The following ATP6V0E1 variants were observed in gnomAD, a reference collection of about 807,000 sequenced individuals.
ATP6V0E1 encodes the protein ATPase H+ transporting V0 subunit e1.
ATP6V0E1 carries 4 observed loss-of-function variants against 11.6 expected under a neutral mutation model. The ratio of observed to expected loss-of-function variants is 0.35; its 90% CI spans 0.17 to 0.79. The LOEUF (loss-of-function observed/expected upper bound fraction) is 0.79. ATP6V0E1 is among the 30% of genes least tolerant of loss of function. The pLI is 0.54. For missense variants in ATP6V0E1, 105 were observed against 100.0 expected (o/e 1.05, Z -0.21); for synonymous variants, 36 against 34.8 (o/e 1.04, Z -0.13).
chr5:173,020,801 T>C (rs775775261), intron 3 of ATP6V0E1: 1 of 519,678 alleles, frequency 1.9e-6, no homozygotes, highest in Non-Finnish European at 3.8e-6. Context: ...GAATGTCTTG[T>C]CTTCATCCGG....
At chr5:173,005,964 T>C (rs921491400) in intron 2 of ATP6V0E1, among the ~76,000 whole-genome samples, 2 of 152,244 alleles carry the variant, frequency 1.3e-5, no homozygotes, top group African/African-American at 2.4e-5. Flanking sequence ...TCAGAAGATA[T>C]ACTCTCTAAG....
At chr5:172,997,693 G>A (rs891690820) in intron 2 of ATP6V0E1, among the ~76,000 whole-genome samples, 3 of 152,042 alleles carry the variant, frequency 2.0e-5, no homozygotes, top group Non-Finnish European at 4.4e-5. Flanking sequence ...GGTGCCTGTA[G>A]TCCCAGCTAC....
chr5:172,994,877 A>T (rs1234059617), intron 2 of ATP6V0E1, 55 bp downstream of exon 2: 16 of 1,405,550 alleles, frequency 1.1e-5, no homozygotes, highest in Non-Finnish European at 1.5e-5. Context: ...TGTGCGATTT[A>T]CACATTTGTT....
intron 3 of ATP6V0E1, among the ~76,000 whole-genome samples, chr5:173,024,840 TTTTTTC>T (rs1360110012): frequency 6.8e-6 from 1 of 146,610 alleles, no homozygotes; most frequent in Non-Finnish European, 1.5e-5. Flanking sequence ...TATTTTTTTC[TTTTTTC>T]TTTTTTTTTT....
intron 2 of ATP6V0E1, among the ~76,000 whole-genome samples, chr5:173,017,643 C>T (rs970313897): frequency 1.3e-5 from 2 of 151,766 alleles, no homozygotes; most frequent in Non-Finnish European, 2.9e-5. Context: ...GAGTTCGACA[C>T]CAGCCTGGCC....
At chr5:173,008,910 CAA>C (rs1164495740) in intron 2 of ATP6V0E1, among the ~76,000 whole-genome samples, 1,087 of 41,344 alleles carry the variant, frequency 0.026, 10 homozygotes, top group African/African-American at 0.063. Flanking sequence ...GACTCTGTCT[CAA>C]AAAAAAAAAA....
chr5:173,011,774 C>T lies in ATP6V0E1; in HGVS notation c.153-8464C>T, dbSNP rs113218282. On this transcript the variant is annotated intron_variant, in intron 2 of 3. Transcript: ENST00000519374. The stretch of plus-strand genomic sequence containing the variant: ...GGTTATGAAGACATGCGGTACAGTT[C>T]GGGCAAACATGAAAGGTACATTTAG... Among the ~76,000 whole-genome samples the T allele has an allele frequency of 8.7e-3, 1,321 of 152,198 alleles. 19 individuals are homozygous for T. The highest frequency in any genetic ancestry group is 0.03 in the African/African-American group (1,260 of 41,532).
intron 2 of ATP6V0E1, among the ~76,000 whole-genome samples, chr5:173,009,269 G>T (rs180732492): frequency 3.3e-5 from 5 of 151,722 alleles, no homozygotes; most frequent in Admixed American, 2.6e-4. Flanking sequence ...AAAAGAACTC[G>T]CCTGAAGCCA....
intron 1 of ATP6V0E1, among the ~76,000 whole-genome samples, chr5:172,986,271 C>T (rs1755895809): frequency 6.6e-6 from 1 of 152,270 alleles, no homozygotes; most frequent in East Asian, 1.9e-4. Context: ...ACCTTAGCTT[C>T]CTGTAACTTT....
chr5:173,029,787 C>T (rs1010986893), intron 3 of ATP6V0E1, among the ~76,000 whole-genome samples: 9 of 152,086 alleles, frequency 5.9e-5, no homozygotes, highest in African/African-American at 2.2e-4. Context: ...GGGTCACCAG[C>T]GGTCCCATGA....
chr5:173,001,452 C>G (rs1756151932), intron 2 of ATP6V0E1, among the ~76,000 whole-genome samples: 1 of 152,176 alleles, frequency 6.6e-6, no homozygotes, highest in Non-Finnish European at 1.5e-5. Context: ...CCCACAGAAA[C>G]TCCACCTCAC....
At chr5:172,998,867 G>A (rs527426299) in intron 2 of ATP6V0E1, among the ~76,000 whole-genome samples, 1 of 152,126 alleles carries the variant, frequency 6.6e-6, no homozygotes, top group Non-Finnish European at 1.5e-5. Context: ...GGGGCCGGGC[G>A]TGTTGGCTTA....
chr5:172,984,968 C>T (rs533563238), intron 1 of ATP6V0E1, among the ~76,000 whole-genome samples: 374 of 152,252 alleles, frequency 2.5e-3, no homozygotes, highest in Non-Finnish European at 4.3e-3. Flanking sequence ...GATTTTTGGC[C>T]AGGTGCCGTG....
rs539691354 is a variant in ATP6V0E1, at chr5:173,017,694, A to C, written c.153-2544A>C. Among the ~76,000 whole-genome samples the C allele has an allele frequency of 3.3e-5, 5 of 152,110 alleles. No homozygotes were observed. The South Asian group carries it at 1.0e-3, about 32-fold the overall frequency. ...CTTCTCTACTAAAAATACAAAAATT[A>C]GCTGGGGATGGTGGCGCGTGCCTGT... On this transcript the variant is annotated intron_variant, in intron 2 of 3. Coordinates refer to ENST00000519374, the MANE Select transcript of ATP6V0E1 (RefSeq NM_003945.4).
intron 2 of ATP6V0E1, among the ~76,000 whole-genome samples, chr5:173,018,915 G>A (rs747398866): frequency 6.6e-6 from 1 of 151,972 alleles, no homozygotes; most frequent in Admixed American, 6.6e-5. Context: ...ACAGAACTTT[G>A]TGAGCTATAT....
chr5:173,022,151 T>C lies in ATP6V0E1; in HGVS notation c.*36+1784T>C, dbSNP rs987931316. Among the ~76,000 whole-genome samples the C allele has an allele frequency of 5.1e-4, 78 of 152,244 alleles. 2 individuals are homozygous for C. The highest frequency in any genetic ancestry group is 1.8e-3 in the African/African-American group (76 of 41,478). On this transcript the variant is annotated intron_variant, in intron 3 of 3. Coordinates refer to ENST00000519374, the MANE Select transcript of ATP6V0E1 (RefSeq NM_003945.4). The stretch of plus-strand genomic sequence containing the variant: ...TGGCCGAGAGTCAGGAAACCTCTTA[T>C]TTAATCTGTTCGTTGTTTTCATTAT...
At chr5:173,013,856 T>A (rs1363863140) in intron 2 of ATP6V0E1, among the ~76,000 whole-genome samples, 1 of 151,974 alleles carries the variant, frequency 6.6e-6, no homozygotes, top group East Asian at 1.9e-4. Context: ...TGGCTATTAC[T>A]AAAAAGCGAA....
At chr5:173,007,466 G>A (rs547765558) in intron 2 of ATP6V0E1, among the ~76,000 whole-genome samples, 57 of 152,338 alleles carry the variant, frequency 3.7e-4, no homozygotes, top group East Asian at 9.6e-4. Context: ...GCCGGGAAAA[G>A]AGAATCTCCT....
rs768987870 is a variant in ATP6V0E1, at chr5:173,020,263, C to T, written c.178C>T (p.Leu60Phe). ...TTGGCTGATTGCAATTCTGGCCCAACTCAACCCTCTCTTTGGACCGCAATT... is the reference window on the plus strand; with the variant it reads ...TTGGCTGATTGCAATTCTGGCCCAATTCAACCCTCTCTTTGGACCGCAATT... ...LFWLIAILAQ[L>F]NPLFGPQLKN... The change falls in exon 3 of 4, where the codon CTC (leucine) becomes TTC (phenylalanine). Residue 60 changes from leucine (L) to phenylalanine (F), a missense_variant. Leu to Phe is a conservative substitution (Grantham distance 22). Transcript: ENST00000519374. 1.2e-6 allele frequency: 2 copies of T among 1,613,900 alleles called. No individual in the cohort carries two copies. The highest frequency in any genetic ancestry group is 8.5e-7 in the Non-Finnish European group (1 of 1,179,822).
Sources: gnomAD v4.1 joint callset for allele counts (sites outside exome capture counted in the v4.1 genomes callset) on GRCh38, gnomAD v4.1.1 for gene constraint, MANE v1.5 for transcripts, NCBI Gene and HGNC (gene_info 2026-07-23, HGNC 2026-07-21) for gene names.